NRG1: variants seen among roughly 807,000 people sequenced by gnomAD.
NRG1 encodes the protein pro-neuregulin-1, membrane-bound isoform.
In NRG1, 18 loss-of-function variants were observed where a neutral mutation model predicts 63.8. That is an observed-to-expected ratio of 0.28 (90% CI 0.19 to 0.42). The LOEUF (loss-of-function observed/expected upper bound fraction) is 0.42. Among genes scored for constraint, NRG1 ranks in the 10% least tolerant of loss-of-function variants. The pLI is 1.00. For synonymous variants in NRG1, 302 were observed against 301.3 expected (o/e 1.00, Z -0.02); for missense variants, 762 against 814.7 (o/e 0.94, Z 0.79).
intron 1 of NRG1, among the ~76,000 whole-genome samples, chr8:32,416,457 G>A (rs1001194043): frequency 9.9e-5 from 15 of 151,592 alleles, no homozygotes; most frequent in African/African-American, 3.2e-4. Context: ...TTCTATGAGG[G>A]CATAACTGGG....
chr8:31,980,544 T>C (rs1282395075), intron 1 of NRG1, among the ~76,000 whole-genome samples: 1 of 152,100 alleles, frequency 6.6e-6, no homozygotes, highest in Non-Finnish European at 1.5e-5. Context: ...TGGCTATATA[T>C]CTGCAACCAA....
At chr8:32,673,728 A>T (rs907724408) in intron 5 of NRG1, among the ~76,000 whole-genome samples, 21 of 152,156 alleles carry the variant, frequency 1.4e-4, no homozygotes, top group African/African-American at 4.8e-4. Flanking sequence ...GAACTGTGAA[A>T]ATCCTTTGCA....
chr8:32,559,245 T>TAAAAAAAAAAAAAAAAAAAAAAAAAAA (rs545838945), intron 1 of NRG1, among the ~76,000 whole-genome samples: 5 of 96,754 alleles, frequency 5.2e-5, no homozygotes, highest in Admixed American at 1.3e-4. Flanking sequence ...CTCTAAAATG[T>TAAAAAAAAAAAAAAAAAAAAAAAAAAA]AAAAAAAAAA....
At chr8:32,146,508 A>G (rs1220125480) in intron 1 of NRG1, among the ~76,000 whole-genome samples, 1 of 152,118 alleles carries the variant, frequency 6.6e-6, no homozygotes, top group Non-Finnish European at 1.5e-5. Flanking sequence ...TAATCAATGT[A>G]AAAAAATTAT....
chr8:31,671,571 C>A (rs1807148023), intron 1 of NRG1, among the ~76,000 whole-genome samples: 1 of 152,152 alleles, frequency 6.6e-6, no homozygotes, highest in African/African-American at 2.4e-5. Context: ...CTTAATAAAT[C>A]TTCCTTCTTA....
At chr8:31,876,627 A>G (rs1457437835) in intron 1 of NRG1, among the ~76,000 whole-genome samples, 1 of 152,182 alleles carries the variant, frequency 6.6e-6, no homozygotes, top group Non-Finnish European at 1.5e-5. Flanking sequence ...GAAAATTTAA[A>G]AAATATTCAA....
At chr8:31,825,010 C>A (rs1824398789) in intron 1 of NRG1, among the ~76,000 whole-genome samples, 1 of 152,154 alleles carries the variant, frequency 6.6e-6, no homozygotes, top group Admixed American at 6.5e-5. Context: ...TAATTGTAGG[C>A]ATGCAGGTAA....
intron 1 of NRG1, among the ~76,000 whole-genome samples, chr8:32,091,002 G>A (rs765255687): frequency 5.3e-5 from 8 of 152,160 alleles, no homozygotes; most frequent in Non-Finnish European, 8.8e-5. Flanking sequence ...GAATTGGGCC[G>A]GGCGCGGTGG....
At chr8:31,808,244 A>T (rs923753546) in intron 1 of NRG1, among the ~76,000 whole-genome samples, 1 of 151,812 alleles carries the variant, frequency 6.6e-6, no homozygotes, top group Admixed American at 6.6e-5. Context: ...TGGCATGTTT[A>T]CTTTCTTTGT....
intron 1 of NRG1, among the ~76,000 whole-genome samples, chr8:31,858,008 A>T (rs574957311): frequency 5.7e-4 from 87 of 152,306 alleles, no homozygotes; most frequent in Non-Finnish European, 1.0e-3. Flanking sequence ...TCTTAAAACT[A>T]CAAGTGAAGG....
chr8:32,040,768 T>TATATATATATATATATATATATAG (rs1819893560), intron 1 of NRG1, among the ~76,000 whole-genome samples: 1 of 124,594 alleles, frequency 8.0e-6, no homozygotes, highest in Admixed American at 7.7e-5. Flanking sequence ...TATATATATA[T>TATATATATATATATATATATATAG]GCGCCTAAAT....
chr8:31,918,811 G>A lies in NRG1; in HGVS notation c.37+279380G>A, dbSNP rs1009565793. ...CCTCCTTGTACCTCTGGTAGAATTC[G>A]GCTGTGAATCCATCTGGTCCTGGAC... On this transcript the variant is annotated intron_variant, in intron 1 of 10. Transcript: ENST00000519301. Among the ~76,000 whole-genome samples, 46 of 146,384 alleles carry A rather than the reference G, an allele frequency of 3.1e-4. No individual in the cohort carries two copies. In the East Asian group the frequency reaches 6.5e-3, roughly 21 times the overall value.
chr8:32,196,133 G>GTGTA (rs1345884532), intron 1 of NRG1, among the ~76,000 whole-genome samples: 1 of 151,794 alleles, frequency 6.6e-6, no homozygotes, highest in African/African-American at 2.4e-5. Context: ...GTGTGTGTGT[G>GTGTA]TGTGTGTGTG....
intron 1 of NRG1, among the ~76,000 whole-genome samples, chr8:32,372,220 C>T (rs898664323): frequency 1.3e-5 from 2 of 151,896 alleles, no homozygotes; most frequent in African/African-American, 4.8e-5. Flanking sequence ...AACTCCTGGC[C>T]TCAAACAAAT....
intron 1 of NRG1, among the ~76,000 whole-genome samples, chr8:32,446,822 G>A (rs140917972): frequency 7.5e-4 from 114 of 152,112 alleles, no homozygotes; most frequent in African/African-American, 2.6e-3. Context: ...AGGCTTAAGA[G>A]GATTCTCATT....
At chr8:31,956,046 A>AC (rs1036187811) in intron 1 of NRG1, among the ~76,000 whole-genome samples, 72 of 150,116 alleles carry the variant, frequency 4.8e-4, no homozygotes, top group Non-Finnish European at 7.1e-4. Flanking sequence ...GTCTCAAAAA[A>AC]AAAAAAACAA....
intron 1 of NRG1, among the ~76,000 whole-genome samples, chr8:32,154,786 A>C (rs1004618741): frequency 6.6e-6 from 1 of 152,162 alleles, no homozygotes; most frequent in Non-Finnish European, 1.5e-5. Context: ...ATTCCCTTTC[A>C]TCAGGAAACA....
rs141005081 is a variant in NRG1 at position 32,431,340 on chromosome 8, C to T, written c.38-164488C>T. On this transcript the variant is annotated intron_variant, in intron 1 of 10. Transcript: ENST00000519301. The stretch of plus-strand genomic sequence containing the variant: ...AGGTATCAGAGCCCTGGCATAGGTC[C>T]TCACTTTTGCTAGGATTCTGTCCTA... Among the ~76,000 whole-genome samples the T allele has an allele frequency of 2.0e-5, 3 of 152,252 alleles. No homozygotes were observed. In the East Asian group the frequency reaches 5.8e-4, roughly 29 times the overall value.
intron 1 of NRG1, among the ~76,000 whole-genome samples, chr8:31,945,942 A>G (rs327359): frequency 0.86 from 130,595 of 152,214 alleles, 56,736 homozygotes; most frequent in Non-Finnish European, 0.91. Flanking sequence ...GATCATTAAT[A>G]AAGATGAATA....
Sources: gnomAD v4.1 joint callset for allele counts (sites outside exome capture counted in the v4.1 genomes callset) on GRCh38, gnomAD v4.1.1 for gene constraint, MANE v1.5 for transcripts, NCBI Gene and HGNC (gene_info 2026-07-23, HGNC 2026-07-21) for gene names.